The following RAB3GAP1 variants were observed in gnomAD, a reference collection of about 807,000 sequenced individuals.
The protein encoded by RAB3GAP1 is RAB3 GTPase activating protein catalytic subunit 1, also known as rab3 GTPase-activating protein catalytic subunit.
RAB3GAP1 carries 86 observed loss-of-function variants against 130.7 expected under a neutral mutation model. The ratio of observed to expected loss-of-function variants is 0.66; its 90% CI spans 0.55 to 0.79. The LOEUF (loss-of-function observed/expected upper bound fraction) is 0.79. RAB3GAP1 is among the 30% of genes least tolerant of loss of function. RAB3GAP1 has a pLI of 0.00. For missense variants in RAB3GAP1, 1,029 were observed against 1,169.4 expected (o/e 0.88, Z 1.75); for synonymous variants, 367 against 401.7 (o/e 0.91, Z 1.03).
At chr2:135,133,793 C>A (rs2104948203) in intron 14 of RAB3GAP1, 68 bp from the exon 15 acceptor site, 2 of 1,398,102 alleles carry the variant, frequency 1.4e-6, no homozygotes, top group Non-Finnish European at 2.0e-6. Context: ...CTCCCTACGA[C>A]CTTTTCAGTT....
In RAB3GAP1 at chr2:135,107,370, G is replaced by T. The variant is rs563888642; in HGVS notation, c.363-5781G>T. Among the ~76,000 whole-genome samples the T allele has an allele frequency of 4.7e-5, 7 of 148,486 alleles. No individual in the cohort carries two copies. The East Asian group carries it at 1.4e-3, about 29-fold the overall frequency. ...TAAGCAATAATGACAGCACTATATTGTTGGGTTTATAACATATGTAATATG... is the reference window on the plus strand; with the variant it reads ...TAAGCAATAATGACAGCACTATATTTTTGGGTTTATAACATATGTAATATG... On this transcript the variant is annotated intron_variant, in intron 5 of 23. Transcript: ENST00000264158.
intron 3 of RAB3GAP1, chr2:135,089,903 A>T: frequency 5.9e-6 from 2 of 338,418 alleles, no homozygotes; most frequent in Non-Finnish European, 1.2e-5. Flanking sequence ...ACGTGGACAC[A>T]GGGAGGGAAG....
chr2:135,079,443 A>G (rs72978322), intron 3 of RAB3GAP1, among the ~76,000 whole-genome samples: 9,086 of 152,218 alleles, frequency 0.06, 523 homozygotes, highest in African/African-American at 0.15. Context: ...GAAGCCTTCA[A>G]TGGCTTTCCA....
chr2:135,121,958 TG>T (rs1315922173), intron 8 of RAB3GAP1, among the ~76,000 whole-genome samples: 1 of 152,082 alleles, frequency 6.6e-6, no homozygotes, highest in Non-Finnish European at 1.5e-5. Context: ...CCAGGTGCAG[TG>T]GCAGGAGCCT....
At position 135,133,839 on chromosome 2, in the gene RAB3GAP1, G is replaced by GT. The variant is rs769755261; in HGVS notation, c.1327-19dup. 7 of 1,608,076 alleles carry GT rather than the reference G, an allele frequency of 4.4e-6. No homozygotes were observed. The African/African-American group carries it at 9.4e-5, about 22-fold the overall frequency. ...AATATTTTGGTAACAAGTTTGCTTT[G>GT]TTTCTATTTTGTTAAATTTAGAATC... is the stretch of plus-strand genomic sequence containing the variant. On this transcript the variant is annotated intron_variant, in intron 14 of 23. Transcript: ENST00000264158.
intron 11 of RAB3GAP1, among the ~76,000 whole-genome samples, chr2:135,127,026 C>T (rs1691369096): frequency 1.3e-5 from 2 of 152,018 alleles, no homozygotes; most frequent in South Asian, 4.2e-4. Context: ...CAGACGTGTG[C>T]CACCATGCCT....
At chr2:135,130,290 C>G (rs1691494066) in intron 12 of RAB3GAP1, among the ~76,000 whole-genome samples, 1 of 152,050 alleles carries the variant, frequency 6.6e-6, no homozygotes, top group Admixed American at 6.5e-5. Flanking sequence ...TTCTTTCCAC[C>G]AAAAATGTAA....
chr2:135,084,435 C>G (rs1689919994), intron 3 of RAB3GAP1, among the ~76,000 whole-genome samples: 1 of 152,110 alleles, frequency 6.6e-6, no homozygotes, highest in Middle Eastern at 3.2e-3. Flanking sequence ...AGTTTTAGCT[C>G]TTACATTTAG....
chr2:135,113,758 G>A (rs62170183), intron 6 of RAB3GAP1, among the ~76,000 whole-genome samples: 3 of 147,030 alleles, frequency 2.0e-5, no homozygotes, highest in African/African-American at 7.6e-5. Context: ...TTTTTTTTTC[G>A]AGACGTAGTC....
In RAB3GAP1 at chr2:135,135,775, T is replaced by G. The variant is rs1158192985; in HGVS notation, c.1766T>G (p.Leu589Arg). Residue 589 changes from leucine (L) to arginine (R), a missense_variant, in exon 17 of 24, where the codon CTA becomes CGA. Around this residue, in one of 3 missense-constraint regions of RAB3GAP1, gnomAD observed 373 missense variants for 493.6 expected, o/e 0.76. Coordinates refer to ENST00000264158, the MANE Select transcript of RAB3GAP1 (RefSeq NM_012233.3). ...AGCGAAGAAGAATTTTTTGAATGCC[T>G]AAGTGATACTGAAGAACTTAAAGGA... is the stretch of plus-strand genomic sequence containing the variant. Reference protein sequence around the residue: ...SDSEEEFFECLSDTEELKGNG... With the variant: ...SDSEEEFFECRSDTEELKGNG... The G allele has an allele frequency of 4.3e-6, 7 of 1,613,942 alleles. No homozygotes were observed. The highest frequency in any genetic ancestry group is 5.9e-6 in the Non-Finnish European group (7 of 1,179,998).
At chr2:135,130,146 A>G in intron 12 of RAB3GAP1, 59 bp downstream of exon 12, 1 of 1,341,008 alleles carries the variant, frequency 7.5e-7, no homozygotes, top group Non-Finnish European at 1.1e-6. Context: ...TCCTTGGCAC[A>G]TTTTTCAGCA....
At chr2:135,171,869 A>G (rs192787823), downstream of RAB3GAP1, among the ~76,000 whole-genome samples, 1 of 152,300 alleles carries the variant, frequency 6.6e-6, no homozygotes, top group African/African-American at 2.4e-5. Flanking sequence ...GTGAGGAAGC[A>G]GTCCTGTATA....
Position 135,091,138 on chromosome 2 carries a change from A to G in RAB3GAP1, c.283+8A>G. On this transcript the variant is annotated splice_region_variant and intron_variant, in intron 4 of 23. Transcript: ENST00000264158. ...AGGATGAGTTATTAGAGGGTAAGTTATTTCTATATAATAATATTAACTTCT... is the reference window on the plus strand; with the variant it reads ...AGGATGAGTTATTAGAGGGTAAGTTGTTTCTATATAATAATATTAACTTCT... 6.4e-7 allele frequency: 1 copy of G among 1,562,500 alleles called. No homozygotes were observed. The highest frequency in any genetic ancestry group is 8.8e-7 in the Non-Finnish European group (1 of 1,134,598).
At chr2:135,066,977 A>G (rs1689340192) in intron 3 of RAB3GAP1, among the ~76,000 whole-genome samples, 1 of 152,178 alleles carries the variant, frequency 6.6e-6, no homozygotes, top group Non-Finnish European at 1.5e-5. Flanking sequence ...AAATGAGTTC[A>G]CATTTTTCAT....
chr2:135,117,352 A>G (rs553995322), intron 7 of RAB3GAP1, among the ~76,000 whole-genome samples: 13 of 152,142 alleles, frequency 8.5e-5, no homozygotes, highest in South Asian at 8.3e-4. Context: ...GAAGTCTTCA[A>G]TTATATTTAA....
chr2:135,075,653 A>AT (rs1391743382), intron 3 of RAB3GAP1, among the ~76,000 whole-genome samples: 3 of 125,328 alleles, frequency 2.4e-5, no homozygotes, highest in South Asian at 2.5e-4. Context: ...TTTTTTTTAA[A>AT]TTTTTTTTTA....
At chr2:135,081,382 A>G (rs183030344) in intron 3 of RAB3GAP1, among the ~76,000 whole-genome samples, 5,762 of 125,524 alleles carry the variant, frequency 0.046, 311 homozygotes, top group African/African-American at 0.12. Flanking sequence ...GTGTGTGTGT[A>G]TATATATATG....
intron 5 of RAB3GAP1, among the ~76,000 whole-genome samples, chr2:135,103,663 A>G (rs1690514760): frequency 1.3e-5 from 2 of 152,118 alleles, no homozygotes; most frequent in African/African-American, 4.8e-5. Flanking sequence ...TGAGCTTTCT[A>G]GTCTAGGCTG....
At chr2:135,067,204 G>A (rs1378064261) in intron 3 of RAB3GAP1, among the ~76,000 whole-genome samples, 1 of 152,108 alleles carries the variant, frequency 6.6e-6, no homozygotes, top group African/African-American at 2.4e-5. Context: ...GTATTAAAGT[G>A]GAGGAGTATA....
Sources: allele counts gnomAD v4.1 joint callset (sites outside exome capture counted in the v4.1 genomes callset), GRCh38; gene constraint gnomAD v4.1.1; regional missense constraint gnomAD v4.1.1; transcripts MANE v1.5; gene names NCBI Gene and HGNC (gene_info 2026-07-23, HGNC 2026-07-21).